Variants in NOS1AP observed in about 807,000 individuals in gnomAD.
NOS1AP encodes the protein nitric oxide synthase 1 adaptor protein, also known as carboxyl-terminal PDZ ligand of neuronal nitric oxide synthase protein.
A neutral mutation model predicts 56.2 loss-of-function variants in NOS1AP; 21 were observed. The ratio of observed to expected loss-of-function variants is 0.37; its 90% confidence interval spans 0.26 to 0.54. The LOEUF (loss-of-function observed/expected upper bound fraction) is 0.54. Ranked by LOEUF, NOS1AP falls within the 20% of genes least tolerant of loss-of-function variation. NOS1AP has a pLI of 0.84. For missense variants in NOS1AP, 522 were observed against 657.8 expected, an observed-to-expected ratio of 0.79 and a Z score of 2.26; for synonymous variants, 270 against 274.6, an observed-to-expected ratio of 0.98 and a Z score of 0.17.
At chr1:162,113,292 C>T (rs1263534452) in intron 1 of NOS1AP, among the ~76,000 whole-genome samples, 2 of 152,130 alleles carry the variant, frequency 1.3e-5, no homozygotes, top group Non-Finnish European at 2.9e-5. Flanking sequence ...GCAGTCCAGG[C>T]ATGACTTGGT....
chr1:162,190,061 C>G (rs1651569923), intron 2 of NOS1AP, among the ~76,000 whole-genome samples: 2 of 152,144 alleles, frequency 1.3e-5, no homozygotes, highest in African/African-American at 4.8e-5. Context: ...GTTTCTCACC[C>G]TTTTGTAATC....
At chr1:162,138,135 A>G (rs756937116) in intron 1 of NOS1AP, among the ~76,000 whole-genome samples, 5 of 152,224 alleles carry the variant, frequency 3.3e-5, no homozygotes, top group South Asian at 4.1e-4. Flanking sequence ...TTGGTAGCCA[A>G]TTGCCTCAAA....
chr1:162,339,704 G>T (rs1251096901), intron 5 of NOS1AP, among the ~76,000 whole-genome samples: 1 of 152,182 alleles, frequency 6.6e-6, no homozygotes, highest in East Asian at 1.9e-4. Flanking sequence ...AAATCCCAGC[G>T]TGTGTGATTC....
At chr1:162,072,420 TG>T (rs1445247237) in intron 1 of NOS1AP, among the ~76,000 whole-genome samples, 2 of 152,340 alleles carry the variant, frequency 1.3e-5, no homozygotes, top group South Asian at 2.1e-4. Context: ...AGCAAATGTC[TG>T]GGGGCTGTGT....
chr1:162,178,104 A>C (rs1651125631), intron 2 of NOS1AP, among the ~76,000 whole-genome samples: 1 of 152,202 alleles, frequency 6.6e-6, no homozygotes, highest in Non-Finnish European at 1.5e-5. Context: ...GTAGGTATGA[A>C]TGGCTTTTTA....
chr1:162,292,411 G>A (rs1246901622), intron 3 of NOS1AP, among the ~76,000 whole-genome samples: 1 of 152,236 alleles, frequency 6.6e-6, no homozygotes, highest in African/African-American at 2.4e-5. Context: ...TAACACTGAT[G>A]TGGAGTACCT....
chr1:162,327,744 G>A (rs141402285), intron 4 of NOS1AP, among the ~76,000 whole-genome samples: 1 of 152,206 alleles, frequency 6.6e-6, no homozygotes, highest in Admixed American at 6.5e-5. Flanking sequence ...TCAGTTCTAG[G>A]GCATAGAAAA....
At position 162,069,756 on chromosome 1, in the gene NOS1AP, A is replaced by C. The variant is rs920279943; in HGVS notation, c.-422A>C. 1.3e-5 allele frequency: 2 copies of C among 153,126 alleles called. No individual in the cohort carries two copies. The highest frequency in any genetic ancestry group is 3.8e-4 in the South Asian group (2 of 5,332). 9.5% of individuals were successfully genotyped at this position (153,126 alleles called of 1,614,324 possible). A position where few individuals can be genotyped will look rare whatever the true frequency, so the allele number is the denominator to read the frequency against. On this transcript the variant is annotated 5_prime_UTR_variant, in exon 1 of 10. Transcript: ENST00000361897. ...GTGACAGGCACCCTGCTCCGCCGCC[A>C]CCGCCACCGCCACCGCCACCGTCGC...
At chr1:162,081,767 T>TAC (rs1558090596) in intron 1 of NOS1AP, among the ~76,000 whole-genome samples, 1 of 33,638 alleles carries the variant, frequency 3.0e-5, no homozygotes, top group African/African-American at 6.2e-5. Flanking sequence ...TATATATATA[T>TAC]ATATATATTT....
chr1:162,186,983 T>C (rs1455419234), intron 2 of NOS1AP, among the ~76,000 whole-genome samples: 1 of 152,190 alleles, frequency 6.6e-6, no homozygotes, highest in Non-Finnish European at 1.5e-5. Context: ...GTTTGTTTTT[T>C]TGAGACAGGG....
chr1:162,206,075 A>G (rs143133974), intron 2 of NOS1AP, among the ~76,000 whole-genome samples: 1 of 152,330 alleles, frequency 6.6e-6, no homozygotes, highest in African/African-American at 2.4e-5. Flanking sequence ...ACAGTAGCAT[A>G]AAACCTTTTA....
intron 2 of NOS1AP, among the ~76,000 whole-genome samples, chr1:162,233,493 AG>A (rs1653192752): frequency 6.8e-6 from 1 of 146,632 alleles, no homozygotes. Flanking sequence ...ACCCATTTAA[AG>A]TGTAATATTC....
At chr1:162,348,523 G>A (rs77170560) in intron 6 of NOS1AP, among the ~76,000 whole-genome samples, 1,897 of 152,210 alleles carry the variant, frequency 0.012, 29 homozygotes, top group South Asian at 0.046. Flanking sequence ...ATTACTATAC[G>A]TGAGACCTCA....
At chr1:162,239,519 A>G (rs1376091879) in intron 2 of NOS1AP, among the ~76,000 whole-genome samples, 1 of 152,128 alleles carries the variant, frequency 6.6e-6, no homozygotes, top group Non-Finnish European at 1.5e-5. Flanking sequence ...GAGAGTGAAT[A>G]TGTATTTGCA....
intron 2 of NOS1AP, among the ~76,000 whole-genome samples, chr1:162,243,249 G>A (rs1653549712): frequency 6.6e-6 from 1 of 152,166 alleles, no homozygotes; most frequent in Non-Finnish European, 1.5e-5. Flanking sequence ...GAAGAGGAAA[G>A]CATGCTTCTC....
intron 1 of NOS1AP, 60 bp downstream of exon 1, chr1:162,070,342 G>T: frequency 7.1e-7 from 1 of 1,410,400 alleles, no homozygotes. Context: ...ATGTTTGAGC[G>T]GATGGGATGC....
At chr1:162,256,858 T>G (rs1166894101) in intron 2 of NOS1AP, among the ~76,000 whole-genome samples, 1 of 152,078 alleles carries the variant, frequency 6.6e-6, no homozygotes, top group African/African-American at 2.4e-5. Flanking sequence ...GATCCCAGAG[T>G]TGCTTGTGAA....
At chr1:162,272,770 C>T (rs1431545907) in intron 2 of NOS1AP, among the ~76,000 whole-genome samples, 1 of 152,160 alleles carries the variant, frequency 6.6e-6, no homozygotes, top group African/African-American at 2.4e-5. Context: ...AGAGCTGAGA[C>T]TGGGGTGAGA....
In NOS1AP at chr1:162,169,208, T is replaced by C. The variant is rs141679851; in HGVS notation, c.177+14732T>C. Among the ~76,000 whole-genome samples the C allele has an allele frequency of 3.5e-3, 526 of 152,368 alleles. 1 individual carries two copies. Among genetic ancestry groups the C allele is most frequent in the Non-Finnish European group, 5.8e-3 (395 of 68,038 alleles). On this transcript the variant is annotated intron_variant, in intron 2 of 9. Transcript: ENST00000361897. ...CTGGAGCCCTGGCTTGACTTTTCTC[T>C]TCAGCATCTGCTGTTTTCTGACCAA...
Sources: allele counts gnomAD v4.1 joint callset (sites outside exome capture counted in the v4.1 genomes callset), GRCh38; gene constraint gnomAD v4.1.1; transcripts MANE v1.5; gene names NCBI Gene and HGNC (gene_info 2026-07-23, HGNC 2026-07-21).